The following UHRF2 variants were observed in gnomAD, a reference collection of about 807,000 sequenced individuals.
UHRF2 encodes E3 ubiquitin-protein ligase UHRF2.
Under a neutral mutation model 96.8 loss-of-function variants are expected in UHRF2, and 23 were observed. The observed-to-expected ratio is 0.24, with a 90% confidence interval of 0.17 to 0.34. The LOEUF is 0.34. UHRF2 is among the 10% of genes least tolerant of loss of function. The pLI is 1.00. For missense variants in UHRF2, 685 were observed against 981.5 expected, an observed-to-expected ratio of 0.70 and a Z score of 4.04; for synonymous variants, 385 against 332.6, an observed-to-expected ratio of 1.16 and a Z score of -1.72.
intron 8 of UHRF2, among the ~76,000 whole-genome samples, chr9:6,485,925 G>A (rs75813410): frequency 0.029 from 4,414 of 152,044 alleles, 96 homozygotes; most frequent in Non-Finnish European, 0.042. Context: ...TTTCAGTGAG[G>A]CAGGAATGAA....
At chr9:6,440,101 A>C (rs754756698) in intron 3 of UHRF2, among the ~76,000 whole-genome samples, 2 of 152,188 alleles carry the variant, frequency 1.3e-5, no homozygotes, top group African/African-American at 2.4e-5. Flanking sequence ...TAAGGGCCCT[A>C]AACATCTAAA....
intron 5 of UHRF2, 80 bp from the exon 6 acceptor site, chr9:6,477,542 T>C: frequency 1.2e-5 from 17 of 1,366,428 alleles, no homozygotes; most frequent in Non-Finnish European, 1.7e-5. Context: ...AAATGCTGTT[T>C]CCATGGGCTT....
At chr9:6,444,457 A>T (rs145004076) in intron 3 of UHRF2, among the ~76,000 whole-genome samples, 1 of 152,352 alleles carries the variant, frequency 6.6e-6, no homozygotes, top group East Asian at 1.9e-4. Flanking sequence ...AAACTTATAT[A>T]TCGTCCCTTT....
intron 3 of UHRF2, among the ~76,000 whole-genome samples, chr9:6,455,203 T>TA (rs1822106380): frequency 6.6e-6 from 1 of 152,246 alleles, no homozygotes; most frequent in African/African-American, 2.4e-5. Context: ...GTTTGTTACA[T>TA]ATGCATACAT....
At chr9:6,491,319 A>C (rs1190834347) in intron 9 of UHRF2, among the ~76,000 whole-genome samples, 1 of 152,196 alleles carries the variant, frequency 6.6e-6, no homozygotes, top group African/African-American at 2.4e-5. Context: ...TCTGTAAAAT[A>C]AGATTTATAG....
intron 10 of UHRF2, chr9:6,496,633 T>C (rs1587879593): frequency 6.6e-6 from 1 of 152,378 alleles, no homozygotes; most frequent in East Asian, 1.9e-4. Flanking sequence ...TTGAAATTTA[T>C]CTTTTTATGG....
chr9:6,499,729 G>A (rs1563809592), intron 12 of UHRF2, 106 bp from the exon 13 acceptor site: 1 of 582,754 alleles, frequency 1.7e-6, no homozygotes, highest in South Asian at 3.3e-5. Flanking sequence ...TCAGTTTGGG[G>A]AACGTGTAGT....
At chr9:6,475,237 A>G (rs1823496406) in intron 4 of UHRF2, among the ~76,000 whole-genome samples, 154 bp from the exon 5 acceptor site, 1 of 152,144 alleles carries the variant, frequency 6.6e-6, no homozygotes, top group South Asian at 2.1e-4. Context: ...TTTTCCTACT[A>G]TTGAAAACAA....
At chr9:6,477,045 C>G (rs1289732891) in intron 5 of UHRF2, among the ~76,000 whole-genome samples, 3 of 152,058 alleles carry the variant, frequency 2.0e-5, no homozygotes, top group African/African-American at 7.2e-5. Context: ...CCAGTCTGGC[C>G]AACCTGGTGA....
At chr9:6,478,855 A>G (rs1035252320) in intron 6 of UHRF2, among the ~76,000 whole-genome samples, 2 of 152,176 alleles carry the variant, frequency 1.3e-5, no homozygotes, top group African/African-American at 2.4e-5. Flanking sequence ...ACCTCCTACT[A>G]CTACCTCATA....
chr9:6,504,582 T>A lies in UHRF2; in HGVS notation c.2164-11T>A, dbSNP rs767586036. 15 of 1,603,942 alleles carry A rather than the reference T, an allele frequency of 9.4e-6. No individual in the cohort carries two copies. Among genetic ancestry groups the A allele is most frequent in the Non-Finnish European group, 1.3e-5 (15 of 1,172,380 alleles). ...TAACTTTTCTTTCCTTATCCTTGGA[T>A]ACTGTTCTAGAATTTTCTGAAAAAA... is the stretch of plus-strand genomic sequence containing the variant. On this transcript the variant is annotated splice_polypyrimidine_tract_variant and intron_variant, in intron 14 of 15. Coordinates refer to ENST00000276893, the MANE Select transcript of UHRF2 (RefSeq NM_152896.3).
intron 9 of UHRF2, 58 bp from the exon 10 acceptor site, chr9:6,493,768 A>G: frequency 7.0e-7 from 1 of 1,423,670 alleles, no homozygotes; most frequent in Non-Finnish European, 9.7e-7. Context: ...CTGAAATAAG[A>G]ATTGATGAAA....
intron 10 of UHRF2, chr9:6,495,477 A>G (rs1323122723): frequency 6.6e-6 from 1 of 152,226 alleles, no homozygotes; most frequent in African/African-American, 2.4e-5. Flanking sequence ...GCTCTGACCC[A>G]TAGTATACTC....
intron 2 of UHRF2, among the ~76,000 whole-genome samples, chr9:6,431,665 A>G (rs540695574): frequency 1.3e-5 from 2 of 152,214 alleles, no homozygotes; most frequent in Admixed American, 6.5e-5. Context: ...GATATGTTCT[A>G]TGTGTTGATG....
At chr9:6,431,842 G>C (rs1315005266) in intron 2 of UHRF2, among the ~76,000 whole-genome samples, 1 of 152,280 alleles carries the variant, frequency 6.6e-6, no homozygotes, top group East Asian at 1.9e-4. Context: ...TAAGGTTGAT[G>C]ATATAGCTTA....
At chr9:6,434,602 T>TGA (rs1820730077) in intron 3 of UHRF2, among the ~76,000 whole-genome samples, 1 of 151,392 alleles carries the variant, frequency 6.6e-6, no homozygotes, top group Non-Finnish European at 1.5e-5. Context: ...CCACGCCTGA[T>TGA]TAATTCTTGT....
At chr9:6,485,803 C>CAAAAAAAAA (rs57868028) in intron 8 of UHRF2, among the ~76,000 whole-genome samples, 8 of 59,220 alleles carry the variant, frequency 1.4e-4, no homozygotes, top group East Asian at 7.1e-4. Flanking sequence ...TGTCTCTACC[C>CAAAAAAAAA]AAAAAAAAAA....
At chr9:6,417,777 C>T (rs1457702863) in intron 1 of UHRF2, among the ~76,000 whole-genome samples, 3 of 152,114 alleles carry the variant, frequency 2.0e-5, no homozygotes, top group Non-Finnish European at 4.4e-5. Context: ...AGACATGGTG[C>T]TCTTACGACA....
Position 6,497,129 on chromosome 9 carries a change from G to C in UHRF2, c.1605-69G>C, listed in dbSNP as rs961502608. On this transcript the variant is annotated intron_variant, in intron 10 of 15. Transcript: ENST00000276893. Reference sequence around the variant, plus strand: ...GTAAGGTATAATTCACCTTTTAATTGAGCTAATGACTCGATTGTGTACTTG... The same window carrying C: ...GTAAGGTATAATTCACCTTTTAATTCAGCTAATGACTCGATTGTGTACTTG... The C allele has an allele frequency of 4.3e-6, 6 of 1,408,654 alleles. No homozygotes were observed. The African/African-American group carries it at 8.6e-5, about 20-fold the overall frequency. The allele number at this position is 1,408,654 out of a possible 1,614,324, so 87.3% of individuals were successfully genotyped here.
Sources: allele counts gnomAD v4.1 joint callset (sites outside exome capture counted in the v4.1 genomes callset), GRCh38; gene constraint gnomAD v4.1.1; transcripts MANE v1.5; gene names NCBI Gene and HGNC (gene_info 2026-07-23, HGNC 2026-07-21).